KIF21B: variants seen among roughly 807,000 people sequenced by gnomAD.
KIF21B encodes the protein kinesin-like protein KIF21B.
KIF21B carries 85 observed loss-of-function variants against 192.9 expected under a neutral mutation model. That is an observed-to-expected ratio of 0.44 (90% confidence interval 0.37 to 0.53). The LOEUF (loss-of-function observed/expected upper bound fraction) is 0.53. Among genes scored for constraint, KIF21B ranks in the 20% least tolerant of loss-of-function variants. The pLI is 0.00. For missense variants in KIF21B, 1,716 were observed against 2,194.8 expected, an observed-to-expected ratio of 0.78 and a Z score of 4.36; for synonymous variants, 832 against 884.6, an observed-to-expected ratio of 0.94 and a Z score of 1.05.
chr1:200,979,250 A>G (rs1050085382), intron 30 of KIF21B, among the ~76,000 whole-genome samples: 3 of 151,954 alleles, frequency 2.0e-5, no homozygotes, highest in African/African-American at 7.3e-5. Flanking sequence ...GACTCATAGG[A>G]TGATATCTAA....
At chr1:200,984,482 A>C (rs1333433289) in intron 27 of KIF21B, among the ~76,000 whole-genome samples, 2 of 152,080 alleles carry the variant, frequency 1.3e-5, no homozygotes, top group African/African-American at 4.8e-5. Flanking sequence ...CAGAGAGTGG[A>C]GTGGTTGAAG....
At chr1:201,003,201 G>A (rs1657598925) in intron 8 of KIF21B, 7 of 306,564 alleles carry the variant, frequency 2.3e-5, no homozygotes, top group South Asian at 1.6e-4. Context: ...TACTCCTGTG[G>A]GCCCCTCTAT....
intron 34 of KIF21B, 147 bp from the exon 35 acceptor site, chr1:200,973,725 G>A (rs1374548633): frequency 4.1e-6 from 6 of 1,479,850 alleles, no homozygotes; most frequent in South Asian, 1.3e-5. Flanking sequence ...ACGGGGAGGT[G>A]GACTGCAGGT....
At position 200,984,861 on chromosome 1, in the gene KIF21B, G is replaced by A. The variant is rs368095400; in HGVS notation, c.3801C>T (p.Asp1267=). The change falls in exon 27 of 35, where the codon GAC becomes GAT. Residue 1267 remains aspartate (D), a splice_region_variant and synonymous_variant. Transcript: ENST00000461742. ...TSNQSQGSAL[D]KSDDSDSSLS... is the part of the protein sequence containing the mutation. ...ACTTGCCCTCCAGCCCTGCTTACTTGTCCAGCGCTGACCCCTGGCTCTGAT... is the reference window on the plus strand; with the variant it reads ...ACTTGCCCTCCAGCCCTGCTTACTTATCCAGCGCTGACCCCTGGCTCTGAT... 1.3e-6 allele frequency: 2 copies of A among 1,580,954 alleles called. No individual in the cohort carries two copies. The highest frequency in any genetic ancestry group is 2.4e-5 in the East Asian group (1 of 41,386).
At position 200,974,878 on chromosome 1, in the gene KIF21B, G is replaced by A. The variant is rs1655442341; in HGVS notation, c.4650C>T (p.Ala1550=). ...TGGGGCGGCCCGGGATGAAGGCCAGGGCGCACACCCAGTCCTTGTGCGCAT... is the reference window on the plus strand; with the variant it reads ...TGGGGCGGCCCGGGATGAAGGCCAGAGCGCACACCCAGTCCTTGTGCGCAT... ...IPNAHKDWVC[A]LAFIPGRPML... is the part of the protein sequence containing the mutation. Residue 1550 remains alanine, a synonymous_variant, in exon 34 of 35, where the codon GCC becomes GCT. Coordinates refer to ENST00000461742, the MANE Select transcript of KIF21B (RefSeq NM_001252102.2). The A allele has an allele frequency of 6.2e-7, 1 of 1,614,098 alleles. No homozygotes were observed. The highest frequency in any genetic ancestry group is 2.2e-5 in the East Asian group (1 of 44,888).
chr1:200,977,921 A>G (rs1057080507), intron 30 of KIF21B, among the ~76,000 whole-genome samples: 2 of 150,906 alleles, frequency 1.3e-5, no homozygotes, highest in Non-Finnish European at 2.9e-5. Flanking sequence ...TTTAGTAGAG[A>G]CGGGGTTTCT....
intron 15 of KIF21B, among the ~76,000 whole-genome samples, chr1:200,994,569 T>TAC (rs1266134322): frequency 2.6e-5 from 4 of 152,246 alleles, no homozygotes; most frequent in Non-Finnish European, 5.9e-5. Context: ...AACACAGGTC[T>TAC]ACACATGAGC....
chr1:201,005,610 C>T lies in KIF21B; in HGVS notation c.532G>A (p.Glu178Lys), dbSNP rs868128266. The T allele has an allele frequency of 2.5e-6, 4 of 1,614,170 alleles. No individual in the cohort carries two copies. Among genetic ancestry groups the T allele is most frequent in the Non-Finnish European group, 8.5e-7 (1 of 1,180,022 alleles). Reference sequence around the variant, plus strand: ...GTGTAGATGCCACCGTTTGCGTCCTCGTGGATCTTGATGTTGGACCTGCGG... The same window carrying T: ...GTGTAGATGCCACCGTTTGCGTCCTTGTGGATCTTGATGTTGGACCTGCGG... ...RHRRSNIKIH[E>K]DANGGIYTTG... Residue 178 changes from glutamate (E) to lysine (K), a missense_variant, in exon 4 of 35, where the codon GAG becomes AAG. Transcript: ENST00000461742.
At chr1:200,994,164 G>A (rs899510256) in intron 15 of KIF21B, among the ~76,000 whole-genome samples, 1 of 152,232 alleles carries the variant, frequency 6.6e-6, no homozygotes, top group East Asian at 1.9e-4. Flanking sequence ...AGAGGCAAAG[G>A]TCTCAGAACA....
intron 3 of KIF21B, 85 bp from the exon 4 acceptor site, chr1:201,005,779 T>G: frequency 7.2e-7 from 1 of 1,382,830 alleles, no homozygotes; most frequent in Non-Finnish European, 1.0e-6. Flanking sequence ...CATATCTGTT[T>G]TACAGATGTG....
At position 200,990,754 on chromosome 1, in the gene KIF21B, G is replaced by A. The variant is rs777790850; in HGVS notation, c.2688-31C>T. 6.2e-7 allele frequency: 1 copy of A among 1,612,712 alleles called. No homozygotes were observed. Among genetic ancestry groups the A allele is most frequent in the South Asian group, 1.1e-5 (1 of 90,970 alleles). Reference sequence around the variant, plus strand: ...AGACATAGGCAAAGGGGATTGGATGGGACTCCTTTTAACCTCTGCAGCTCC... The same window carrying A: ...AGACATAGGCAAAGGGGATTGGATGAGACTCCTTTTAACCTCTGCAGCTCC... On this transcript the variant is annotated intron_variant, in intron 18 of 34. Transcript: ENST00000461742. The surrounding 1 kb of genome is among the most constrained non-coding windows in gnomAD (Gnocchi z 5.4).
intron 1 of KIF21B, among the ~76,000 whole-genome samples, chr1:201,015,556 T>C (rs1658455003): frequency 6.6e-6 from 1 of 152,220 alleles, no homozygotes; most frequent in East Asian, 1.9e-4. Flanking sequence ...GATTCCATGA[T>C]CTCTGCTTGT....
chr1:201,009,507 G>A lies in KIF21B; in HGVS notation c.42-19C>T. ...CCGGATCCTGCCCATGATGGAGAGA[G>A]CCCTGGGTCAGGCCCAGCTAGAAGG... On this transcript the variant is annotated intron_variant, in intron 1 of 34. Transcript: ENST00000461742. 1.9e-6 allele frequency: 3 copies of A among 1,608,808 alleles called. No individual in the cohort carries two copies. Among genetic ancestry groups the A allele is most frequent in the Admixed American group, 1.7e-5 (1 of 59,860 alleles).
Position 200,988,315 on chromosome 1 carries a change from T to C in KIF21B, c.3389A>G (p.His1130Arg), listed in dbSNP as rs1656437053. ...QSFTMKGSTSHDDFKFKSEPK... is the reference protein window; with the variant it reads ...QSFTMKGSTSRDDFKFKSEPK... ...GCTCACCTTGAACTTGAAATCGTCA[T>C]GGCTGGTGGAGCCTTTCATGGTGAA... The change falls in exon 24 of 35, where the codon CAT becomes CGT. Residue 1130 changes from histidine (H) to arginine (R), a missense_variant. By Grantham distance (29) the His-to-Arg change is conservative (BLOSUM62 0). Transcript: ENST00000461742. 1 of 1,614,130 alleles carries C rather than the reference T, an allele frequency of 6.2e-7. No individual in the cohort carries two copies. Among genetic ancestry groups the C allele is most frequent in the Non-Finnish European group, 8.5e-7 (1 of 1,180,036 alleles).
chr1:201,005,238 C>T, intron 5 of KIF21B, 70 bp downstream of exon 5: 1 of 1,492,988 alleles, frequency 6.7e-7, no homozygotes, highest in Non-Finnish European at 8.9e-7. Flanking sequence ...GAATCTGTGG[C>T]TCCTCATCTT....
In KIF21B at chr1:201,000,030, C is replaced by T. The variant is rs545316783; in HGVS notation, c.1686-66G>A. 1.2e-5 allele frequency: 17 copies of T among 1,386,806 alleles called. No homozygotes were observed. The highest frequency in any genetic ancestry group is 3.6e-4 in the Middle Eastern group (2 of 5,596). 85.9% of individuals were successfully genotyped at this position (1,386,806 alleles called of 1,614,324 possible). On this transcript the variant is annotated intron_variant, in intron 11 of 34. Coordinates refer to ENST00000461742, the MANE Select transcript of KIF21B (RefSeq NM_001252102.2). The surrounding 1 kb of genome is among the most constrained non-coding windows in gnomAD (Gnocchi z 6.0). ...CCCTGCCCTGAGCACATGGGCAGGA[C>T]GGCGGCAGCGGCAGAAAAGGAAGGC...
rs549925519 is a variant in KIF21B, at chr1:201,007,718, A to C, written c.447+1051T>G. 1.3e-3 allele frequency among the ~76,000 whole-genome samples: 197 copies of C among 151,892 alleles called. 1 individual carries two copies. The highest frequency in any genetic ancestry group is 4.5e-3 in the African/African-American group (188 of 41,392). On this transcript the variant is annotated intron_variant, in intron 3 of 34. Transcript: ENST00000461742. Reference sequence around the variant, plus strand: ...CACAGACAGATGCGCACACAGACACATAGACACACATACACACACACACAT... The same window carrying C: ...CACAGACAGATGCGCACACAGACACCTAGACACACATACACACACACACAT...
intron 30 of KIF21B, 112 bp from the exon 31 acceptor site, chr1:200,977,488 G>C: frequency 7.6e-7 from 1 of 1,319,710 alleles, no homozygotes; most frequent in Admixed American, 2.3e-5. Context: ...CTTCCAGGAA[G>C]TCTTCCTTGA....
intron 2 of KIF21B, 23 bp from the exon 3 acceptor site, chr1:201,008,974 G>T: frequency 6.3e-7 from 1 of 1,595,048 alleles, no homozygotes. Context: ...AGATAGGAGG[G>T]TGTAACCCTG....
Sources: gnomAD v4.1 joint callset for allele counts (sites outside exome capture counted in the v4.1 genomes callset) on GRCh38, gnomAD v4.1.1 for gene constraint, Gnocchi (gnomAD v3.1) non-coding constraint, MANE v1.5 for transcripts, NCBI Gene and HGNC (gene_info 2026-07-23, HGNC 2026-07-21) for gene names.